STX17: variants seen among roughly 807,000 people sequenced by gnomAD.
STX17 encodes the protein syntaxin-17.
Under a neutral mutation model 35.9 loss-of-function variants are expected in STX17, and 29 were observed. That is an observed-to-expected ratio of 0.81 (90% confidence interval 0.60 to 1.10). The LOEUF is 1.10. Among genes scored for constraint, STX17 ranks in the 50% least tolerant of loss-of-function variants. The probability of loss-of-function intolerance (pLI) is 0.00; values close to 1 mark genes in which losing one functional copy is unlikely to be tolerated. For synonymous variants in STX17, 92 were observed against 118.3 expected, an observed-to-expected ratio of 0.78 and a Z score of 1.44; for missense variants, 312 against 352.3, an observed-to-expected ratio of 0.89 and a Z score of 0.92.
rs1213243668 is a variant in STX17, at chr9:99,906,757, T to G, written c.-63+51T>G. On this transcript the variant is annotated intron_variant, in intron 1 of 7. Transcript: ENST00000259400. ...TTGGGGGCGTCGGGCCCTCACAGGCTTGGTGGGCCTGGCGCCCGTGTGGCG... is the reference window on the plus strand; with the variant it reads ...TTGGGGGCGTCGGGCCCTCACAGGCGTGGTGGGCCTGGCGCCCGTGTGGCG... 4 of 152,278 alleles carry G rather than the reference T, an allele frequency of 2.6e-5. No individual in the cohort carries two copies. In the South Asian group the frequency reaches 8.3e-4, roughly 32 times the overall value. 9.4% of individuals were successfully genotyped at this position (152,278 alleles called of 1,614,324 possible).
chr9:99,945,718 GT>G, intron 3 of STX17: 1 of 385,904 alleles, frequency 2.6e-6, no homozygotes, highest in South Asian at 1.9e-5. Context: ...TTCCTTTCTA[GT>G]TTAGGAACTA....
chr9:99,959,456 CT>C (rs35078503), intron 4 of STX17, among the ~76,000 whole-genome samples: 32,611 of 110,848 alleles, frequency 0.29, 4,186 homozygotes, highest in East Asian at 0.6. Flanking sequence ...ATGGATAAAT[CT>C]TTTTTTTTTT....
chr9:99,938,971 A>C (rs777338340), intron 3 of STX17, among the ~76,000 whole-genome samples: 5 of 152,178 alleles, frequency 3.3e-5, no homozygotes, highest in Non-Finnish European at 1.5e-5. Flanking sequence ...CCACATTTGG[A>C]AAGATACGGC....
intron 6 of STX17, among the ~76,000 whole-genome samples, chr9:99,965,844 T>C (rs539272371): frequency 1.6e-4 from 25 of 152,320 alleles, no homozygotes; most frequent in Non-Finnish European, 2.9e-4. Context: ...TTTTCTATTT[T>C]TCCCCCCTCA....
At chr9:99,931,183 G>A (rs1233578791) in intron 3 of STX17, among the ~76,000 whole-genome samples, 1 of 152,124 alleles carries the variant, frequency 6.6e-6, no homozygotes, top group East Asian at 1.9e-4. Context: ...GTTTCACCAT[G>A]TTGGCCAGAA....
chr9:99,951,013 A>T, intron 3 of STX17, 47 bp from the exon 4 acceptor site: 2 of 1,487,432 alleles, frequency 1.3e-6, no homozygotes, highest in Non-Finnish European at 1.8e-6. Context: ...AAAGAAAGAT[A>T]TCTTATACTA....
intron 1 of STX17, among the ~76,000 whole-genome samples, chr9:99,907,974 T>C (rs1384706205): frequency 2.6e-5 from 4 of 152,248 alleles, no homozygotes; most frequent in African/African-American, 9.7e-5. Flanking sequence ...TTTCTGTCTT[T>C]ATACTCTTTC....
At chr9:99,924,039 C>T (rs544388952) in intron 2 of STX17, among the ~76,000 whole-genome samples, 1 of 152,278 alleles carries the variant, frequency 6.6e-6, no homozygotes, top group Admixed American at 6.5e-5. Flanking sequence ...CATAGACAAC[C>T]ATGTCAAAAT....
chr9:99,952,184 G>A (rs10512268), intron 4 of STX17, among the ~76,000 whole-genome samples: 105,820 of 151,986 alleles, frequency 0.7, 37,139 homozygotes, highest in African/African-American at 0.75. Context: ...ACAAATTAGA[G>A]TAGAATCTTA....
Position 99,930,833 on chromosome 9 carries a change from C to T in STX17, c.189+1990C>T, listed in dbSNP as rs754043289. On this transcript the variant is annotated intron_variant, in intron 3 of 7. Coordinates refer to ENST00000259400, the MANE Select transcript of STX17 (RefSeq NM_017919.3). ...TGTATTTCTAAAAAATGCCTTTATT[C>T]TCTCCTGACATGTGATTGCTAGTTT... Among the ~76,000 whole-genome samples the T allele has an allele frequency of 2.6e-4, 40 of 152,116 alleles. No individual in the cohort carries two copies. The Middle Eastern group carries it at 0.017, about 65-fold the overall frequency.
chr9:99,966,428 A>G (rs1321547502), intron 6 of STX17, among the ~76,000 whole-genome samples: 1 of 152,256 alleles, frequency 6.6e-6, no homozygotes, highest in Non-Finnish European at 1.5e-5. Context: ...TTTGGGCTTC[A>G]TGTTTTCAAA....
At chr9:99,923,881 G>A (rs190986024) in intron 2 of STX17, among the ~76,000 whole-genome samples, 138 of 152,280 alleles carry the variant, frequency 9.1e-4, no homozygotes, top group Non-Finnish European at 1.6e-3. Context: ...CATAAGGTGA[G>A]GTATGAGGGA....
At chr9:99,938,578 A>G (rs1388463334) in intron 3 of STX17, among the ~76,000 whole-genome samples, 1 of 152,180 alleles carries the variant, frequency 6.6e-6, no homozygotes, top group African/African-American at 2.4e-5. Context: ...TGAGCTCATG[A>G]GTTCAATACC....
chr9:99,962,914 C>T (rs979817897), intron 6 of STX17, among the ~76,000 whole-genome samples: 5 of 152,158 alleles, frequency 3.3e-5, no homozygotes, highest in Admixed American at 2.0e-4. Context: ...AGAGTGACCA[C>T]ATCCTCTCAT....
chr9:99,944,420 A>AATATAT (rs1356652857), intron 3 of STX17, among the ~76,000 whole-genome samples: 2 of 150,912 alleles, frequency 1.3e-5, no homozygotes, highest in African/African-American at 4.9e-5. Context: ...TTTCTTTTCT[A>AATATAT]ATATATATAT....
chr9:99,921,380 G>C (rs928377283), intron 2 of STX17, among the ~76,000 whole-genome samples: 2 of 151,994 alleles, frequency 1.3e-5, no homozygotes, highest in Non-Finnish European at 2.9e-5. Context: ...TTATACTGGT[G>C]CAATTGCTCT....
chr9:99,959,510 A>T (rs1194708054), intron 4 of STX17, among the ~76,000 whole-genome samples: 2 of 130,824 alleles, frequency 1.5e-5, no homozygotes, highest in African/African-American at 3.0e-5. Context: ...CCTAGGCTGG[A>T]GTGCAGCGGC....
At chr9:99,917,404 G>A in intron 2 of STX17, among the ~76,000 whole-genome samples, 1 of 152,106 alleles carries the variant, frequency 6.6e-6, no homozygotes, top group East Asian at 1.9e-4. Flanking sequence ...GTCTGACAGT[G>A]CCTCACTTTC....
chr9:99,920,118 A>G (rs1168533910), intron 2 of STX17, among the ~76,000 whole-genome samples: 2 of 152,202 alleles, frequency 1.3e-5, no homozygotes, highest in Non-Finnish European at 2.9e-5. Context: ...AAGCCTCAGC[A>G]CAGGTGGTGA....
Sources: gnomAD v4.1 joint callset for allele counts (sites outside exome capture counted in the v4.1 genomes callset) on GRCh38, gnomAD v4.1.1 for gene constraint, MANE v1.5 for transcripts, NCBI Gene and HGNC (gene_info 2026-07-23, HGNC 2026-07-21) for gene names.